Variants in ITPK1 observed in about 807,000 individuals in gnomAD.
The protein encoded by ITPK1 is inositol 1,3,4-trisphosphate 5/6-kinase.
A neutral mutation model predicts 45.3 loss-of-function variants in ITPK1; 21 were observed. The ratio of observed to expected loss-of-function variants is 0.46; its 90% CI spans 0.33 to 0.67. The LOEUF is 0.67. ITPK1 is among the 30% of genes least tolerant of loss of function. ITPK1 has a pLI of 0.02. For missense variants in ITPK1, 474 were observed against 573.5 expected, an observed-to-expected ratio of 0.83 and a Z score of 1.77; for synonymous variants, 258 against 253.6, an observed-to-expected ratio of 1.02 and a Z score of -0.16.
chr14:93,051,482 G>A (rs933505734), intron 3 of ITPK1, among the ~76,000 whole-genome samples: 2 of 152,178 alleles, frequency 1.3e-5, no homozygotes, highest in African/African-American at 4.8e-5. Context: ...CAGGCTTGGT[G>A]GCGCATGCCT....
chr14:92,994,814 T>C (rs1886967782), intron 4 of ITPK1, among the ~76,000 whole-genome samples: 1 of 152,218 alleles, frequency 6.6e-6, no homozygotes. Flanking sequence ...GGTTGAATTG[T>C]GTCCTCTCAA....
chr14:93,068,598 C>T (rs1341121980), intron 3 of ITPK1: 2 of 152,212 alleles, frequency 1.3e-5, no homozygotes, highest in Admixed American at 6.5e-5. Flanking sequence ...GTGTCCACCC[C>T]TACCTATGCC....
At chr14:93,007,760 C>A (rs1374547494) in intron 4 of ITPK1, among the ~76,000 whole-genome samples, 3 of 152,242 alleles carry the variant, frequency 2.0e-5, no homozygotes, top group African/African-American at 4.8e-5. Flanking sequence ...GTCAGCCATC[C>A]TCTTCAGTGG....
intron 3 of ITPK1, among the ~76,000 whole-genome samples, chr14:93,066,981 A>G (rs1231833330): frequency 6.6e-6 from 1 of 152,142 alleles, no homozygotes; most frequent in African/African-American, 2.4e-5. Context: ...TGAGGAATCC[A>G]GTGTTTGCAT....
At chr14:92,998,764 ACTAT>A (rs1345359444) in intron 4 of ITPK1, 1 of 152,184 alleles carries the variant, frequency 6.6e-6, no homozygotes, top group Admixed American at 6.5e-5. Context: ...AAACACCAAT[ACTAT>A]CTTTCAAGAA....
At chr14:92,983,045 T>A (rs1294579563) in intron 5 of ITPK1, among the ~76,000 whole-genome samples, 1 of 152,208 alleles carries the variant, frequency 6.6e-6, no homozygotes, top group Non-Finnish European at 1.5e-5. Flanking sequence ...GCAGGTTTCC[T>A]CCCACCTGAC....
At position 92,958,486 on chromosome 14, in the gene ITPK1, G is replaced by A. The variant is rs1228264783; in HGVS notation, c.505-120C>T. 15 of 940,232 alleles carry A rather than the reference G, an allele frequency of 1.6e-5. No homozygotes were observed. The highest frequency in any genetic ancestry group is 2.5e-5 in the Non-Finnish European group (15 of 611,520). The allele number at this position is 940,232 out of a possible 1,614,324, so 58.2% of individuals were successfully genotyped here. A position where few individuals can be genotyped will look rare whatever the true frequency, so the allele number is the denominator to read the frequency against. On this transcript the variant is annotated intron_variant, in intron 7 of 10. Coordinates refer to ENST00000267615, the MANE Select transcript of ITPK1 (RefSeq NM_014216.6). This position sits in a 1 kb window ranked among gnomAD's most constrained non-coding sequence, Gnocchi z 4.4. ...AGGCCCATCCCTGGTCCTGTGGCATGAGGACTCCCCTAGAGGAGCCTTGAG... is the reference window on the plus strand; with the variant it reads ...AGGCCCATCCCTGGTCCTGTGGCATAAGGACTCCCCTAGAGGAGCCTTGAG...
rs1202774719 is a variant in ITPK1 at position 93,016,881 on chromosome 14, G to A, written c.121-80C>T. ...CCCCCATCCTCTTGTCCACCCTGGG[G>A]CATATCACCAGAGGACCCTCGAGCC... On this transcript the variant is annotated intron_variant, in intron 3 of 10. Transcript: ENST00000267615. This position sits in a 1 kb window ranked among gnomAD's most constrained non-coding sequence, Gnocchi z 5.0. 2 of 1,572,060 alleles carry A rather than the reference G, an allele frequency of 1.3e-6. No homozygotes were observed. The highest frequency in any genetic ancestry group is 1.7e-5 in the Admixed American group (1 of 58,010).
At chr14:92,944,145 C>T (rs1887568744) in intron 10 of ITPK1, among the ~76,000 whole-genome samples, 1 of 152,192 alleles carries the variant, frequency 6.6e-6, no homozygotes, top group South Asian at 2.1e-4. Flanking sequence ...CAGCCCCTCT[C>T]TGGAGGGGCC....
In ITPK1 at chr14:93,006,445, G is replaced by C. The variant is rs183037305; in HGVS notation, c.246+10231C>G. ...ATTAAAAGGGGCTGTGTGGGGCGGA[G>C]CAGGGCAGGGGCCCGAGCACGCAAA... On this transcript the variant is annotated intron_variant, in intron 4 of 10. Transcript: ENST00000267615. Among the ~76,000 whole-genome samples the C allele has an allele frequency of 3.3e-5, 5 of 151,688 alleles. No homozygotes were observed. The East Asian group carries it at 9.6e-4, about 29-fold the overall frequency.
rs900743662 is a variant in ITPK1, at chr14:92,940,579, G to C, written c.*982C>G. 4 of 1,183,076 alleles carry C rather than the reference G, an allele frequency of 3.4e-6. No homozygotes were observed. The African/African-American group carries it at 4.8e-5, about 14-fold the overall frequency. The allele number at this position is 1,183,076 out of a possible 1,614,324, so 73.3% of individuals were successfully genotyped here. A position where few individuals can be genotyped will look rare whatever the true frequency, so the allele number is the denominator to read the frequency against. On this transcript the variant is annotated 3_prime_UTR_variant, in exon 11 of 11. Coordinates refer to ENST00000267615, the MANE Select transcript of ITPK1 (RefSeq NM_014216.6). ...GTGAACCCACTGGGAAGAGGGCCCC[G>C]ATCTCCATGGTGTCATGCCGAGGCT...
intron 2 of ITPK1, among the ~76,000 whole-genome samples, chr14:93,079,496 C>T (rs527271575): frequency 6.6e-6 from 1 of 152,198 alleles, no homozygotes; most frequent in Non-Finnish European, 1.5e-5. Context: ...TGTTCACCAC[C>T]AGGTGCACCA....
chr14:92,969,999 G>A (rs1885568171), intron 5 of ITPK1, among the ~76,000 whole-genome samples: 1 of 152,120 alleles, frequency 6.6e-6, no homozygotes, highest in African/African-American at 2.4e-5. Flanking sequence ...ACTAGTTCAA[G>A]GCCACACGAG....
At chr14:93,056,042 G>A (rs960151347) in intron 3 of ITPK1, among the ~76,000 whole-genome samples, 1 of 152,180 alleles carries the variant, frequency 6.6e-6, no homozygotes, top group Non-Finnish European at 1.5e-5. Flanking sequence ...AACATCACCC[G>A]GTCTGGGGAA....
chr14:92,941,175 TC>T lies in ITPK1; in HGVS notation c.*385del. On this transcript the variant is annotated 3_prime_UTR_variant, in exon 11 of 11. Transcript: ENST00000267615. ...TCCCACAGCCCGACATGGGCAGGCT[TC>T]CCCCAAGGGTCCCGGTCCACAGTGG... 8.2e-7 allele frequency: 1 copy of T among 1,226,614 alleles called. No individual in the cohort carries two copies. Among genetic ancestry groups the T allele is most frequent in the African/African-American group, 1.6e-5 (1 of 63,852 alleles). 76.0% of individuals were successfully genotyped at this position (1,226,614 alleles called of 1,614,324 possible). A position where few individuals can be genotyped will look rare whatever the true frequency, so the allele number is the denominator to read the frequency against.
intron 10 of ITPK1, among the ~76,000 whole-genome samples, chr14:92,943,581 C>G (rs748524212): frequency 2.0e-5 from 3 of 152,218 alleles, no homozygotes; most frequent in Non-Finnish European, 4.4e-5. Context: ...AGGTCAGCGC[C>G]AGGGAACAGG....
rs978533448 is a variant in ITPK1 at position 93,032,328 on chromosome 14, C to T, written c.121-15527G>A. Among the ~76,000 whole-genome samples, 1 of 149,650 alleles carries T rather than the reference C, an allele frequency of 6.7e-6. No homozygotes were observed. Among genetic ancestry groups the T allele is most frequent in the African/African-American group, 2.5e-5 (1 of 40,342 alleles). Reference sequence around the variant, plus strand: ...TTACGCCACTGCACTCCAGGCTGGGCGACAGAGCGAGACTCCATCTCAAAT... The same window carrying T: ...TTACGCCACTGCACTCCAGGCTGGGTGACAGAGCGAGACTCCATCTCAAAT... On this transcript the variant is annotated intron_variant, in intron 3 of 10. Transcript: ENST00000267615. The surrounding 1 kb of genome is among the most constrained non-coding windows in gnomAD (Gnocchi z 4.0).
chr14:92,966,396 G>A (rs1024088026), intron 5 of ITPK1, among the ~76,000 whole-genome samples: 2 of 152,134 alleles, frequency 1.3e-5, no homozygotes, highest in African/African-American at 4.8e-5. Flanking sequence ...AAAAATAAGT[G>A]TAAGACTTAA....
intron 3 of ITPK1, among the ~76,000 whole-genome samples, chr14:93,048,061 T>C (rs1233992512): frequency 6.6e-6 from 1 of 152,248 alleles, no homozygotes; most frequent in Non-Finnish European, 1.5e-5. Context: ...AAGATTTTTC[T>C]TTCATATTGA....
Sources: allele counts gnomAD v4.1 joint callset (sites outside exome capture counted in the v4.1 genomes callset), GRCh38; gene constraint gnomAD v4.1.1; non-coding constraint Gnocchi (gnomAD v3.1); transcripts MANE v1.5; gene names NCBI Gene and HGNC (gene_info 2026-07-23, HGNC 2026-07-21).